COL10A1: variants seen among roughly 807,000 people sequenced by gnomAD.
COL10A1 encodes the protein collagen type X alpha 1 chain.
A neutral mutation model predicts 18.2 loss-of-function variants in COL10A1; 10 were observed. That is an observed-to-expected ratio of 0.55 (90% CI 0.34 to 0.93). The LOEUF is 0.93. Ranked by LOEUF, COL10A1 falls within the 40% of genes least tolerant of loss-of-function variation. COL10A1 has a pLI of 0.02. For synonymous variants in COL10A1, 330 were observed against 316.6 expected, an observed-to-expected ratio of 1.04 and a Z score of -0.45; for missense variants, 897 against 853.5, an observed-to-expected ratio of 1.05 and a Z score of -0.64.
At chr6:116,163,807 A>G in the COL10A1 span, among the ~76,000 whole-genome samples, 5 of 152,114 alleles carry the variant, frequency 3.3e-5, no homozygotes, top group Admixed American at 1.3e-4. Flanking sequence ...GATATGTTAC[A>G]TGTCTATATT....
rs1203810129 is a variant in COL10A1 at position 116,119,139 on chromosome 6, G to A, written c.*934C>T. 1.3e-5 allele frequency: 2 copies of A among 152,622 alleles called. No homozygotes were observed. Among genetic ancestry groups the A allele is most frequent in the African/African-American group, 2.4e-5 (1 of 41,464 alleles). The allele number at this position is 152,622 out of a possible 1,614,324, so 9.5% of individuals were successfully genotyped here. ...AACAGCAATATAAAAATACAGTACAGTGCATAAATAAATAATATATCTCCA... is the reference window on the plus strand; with the variant it reads ...AACAGCAATATAAAAATACAGTACAATGCATAAATAAATAATATATCTCCA... On this transcript the variant is annotated 3_prime_UTR_variant, in exon 3 of 3. Transcript: ENST00000651968.
the COL10A1 span, among the ~76,000 whole-genome samples, chr6:116,168,410 T>A: frequency 6.6e-6 from 1 of 152,122 alleles, no homozygotes. Context: ...TTTTGATTAC[T>A]GTATTTTTCA....
chr6:116,188,046 G>T, the COL10A1 span, among the ~76,000 whole-genome samples: 6 of 152,076 alleles, frequency 3.9e-5, no homozygotes, highest in African/African-American at 1.2e-4. Context: ...GTCTTGACAG[G>T]CAGTTTACAA....
At chr6:116,140,537 G>T (rs1473573216) in intron 1 of COL10A1, among the ~76,000 whole-genome samples, 1 of 152,070 alleles carries the variant, frequency 6.6e-6, no homozygotes, top group African/African-American at 2.4e-5. Context: ...CTGCTACCCA[G>T]CAAAAGAAAC....
the COL10A1 span, among the ~76,000 whole-genome samples, chr6:116,204,236 A>C: frequency 5.3e-5 from 8 of 152,124 alleles, no homozygotes; most frequent in East Asian, 1.6e-3. Flanking sequence ...TTTTATAATA[A>C]AGTAACTTCA....
At chr6:116,162,714 G>C (rs557980298), upstream of COL10A1, among the ~76,000 whole-genome samples, 1 of 152,242 alleles carries the variant, frequency 6.6e-6, no homozygotes, top group Non-Finnish European at 1.5e-5. Flanking sequence ...ACGTTCATCA[G>C]GGATATTGGC....
At chr6:116,146,355 T>C (rs1479786148) in intron 1 of COL10A1, among the ~76,000 whole-genome samples, 3 of 152,168 alleles carry the variant, frequency 2.0e-5, no homozygotes, top group Non-Finnish European at 4.4e-5. Flanking sequence ...CTAAATAGAC[T>C]TTATCATACT....
At chr6:116,124,371 T>C (rs967406223) in intron 2 of COL10A1, among the ~76,000 whole-genome samples, 40 of 152,312 alleles carry the variant, frequency 2.6e-4, no homozygotes, top group African/African-American at 9.1e-4. Flanking sequence ...TCGTGTCAGT[T>C]GCTGTTAAAT....
chr6:116,188,671 T>C, the COL10A1 span, among the ~76,000 whole-genome samples: 1 of 151,374 alleles, frequency 6.6e-6, no homozygotes, highest in Non-Finnish European at 1.5e-5. Flanking sequence ...TCAAGGGTGG[T>C]ATCAGAGGAC....
At chr6:116,173,151 T>C in the COL10A1 span, among the ~76,000 whole-genome samples, 2 of 152,224 alleles carry the variant, frequency 1.3e-5, no homozygotes, top group Non-Finnish European at 2.9e-5. Flanking sequence ...AAATGATAGC[T>C]AAAAACATTG....
chr6:116,139,124 G>A (rs962560056), intron 1 of COL10A1, among the ~76,000 whole-genome samples: 1 of 152,042 alleles, frequency 6.6e-6, no homozygotes, highest in Non-Finnish European at 1.5e-5. Flanking sequence ...ACAGAAAAAA[G>A]GATAAAGAGT....
upstream of COL10A1, among the ~76,000 whole-genome samples, chr6:116,128,781 A>C (rs1262345810): frequency 2.0e-5 from 3 of 152,150 alleles, no homozygotes; most frequent in Non-Finnish European, 4.4e-5. Context: ...TGGTTCAAAG[A>C]CTATATTTTC....
intron 1 of COL10A1, among the ~76,000 whole-genome samples, chr6:116,150,123 A>G (rs1562139696): frequency 6.6e-6 from 1 of 152,200 alleles, no homozygotes; most frequent in Non-Finnish European, 1.5e-5. Flanking sequence ...GTCTTTGACA[A>G]GGGCAATGAG....
the COL10A1 span, among the ~76,000 whole-genome samples, chr6:116,189,366 G>A: frequency 6.6e-6 from 1 of 151,748 alleles, no homozygotes; most frequent in African/African-American, 2.4e-5. Flanking sequence ...TTCCAGTATT[G>A]CAGTATATTT....
At chr6:116,158,157 CAAAT>C (rs1458704196) in intron 1 of COL10A1, among the ~76,000 whole-genome samples, 1 of 152,130 alleles carries the variant, frequency 6.6e-6, no homozygotes, top group Non-Finnish European at 1.5e-5. Context: ...GTTTTTATTA[CAAAT>C]AAATCTACAT....
At position 116,121,734 on chromosome 6, in the gene COL10A1, C is replaced by G; in HGVS notation, c.382G>C (p.Asp128His). The G allele has an allele frequency of 6.2e-7, 1 of 1,614,006 alleles. No homozygotes were observed. The highest frequency in any genetic ancestry group is 1.1e-5 in the South Asian group (1 of 91,058). The change falls in exon 3 of 3, where the codon GAT becomes CAT. Residue 128 changes from aspartate to histidine, a missense_variant. Coordinates refer to ENST00000651968, the MANE Select transcript of COL10A1 (RefSeq NM_000493.4). Reference sequence around the variant, plus strand: ...CCTGGTAGGCCAGCTGGTCCAACATCTCCTTTTGGTCCATATGGTCCTCTC... The same window carrying G: ...CCTGGTAGGCCAGCTGGTCCAACATGTCCTTTTGGTCCATATGGTCCTCTC... ...GERGPYGPKG[D>H]VGPAGLPGPR...
chr6:116,134,454 T>G (rs370659679), intron 1 of COL10A1, among the ~76,000 whole-genome samples: 1 of 152,228 alleles, frequency 6.6e-6, no homozygotes, highest in East Asian at 1.9e-4. Context: ...TTATTTATTA[T>G]TGAAAATCCA....
intron 1 of COL10A1, among the ~76,000 whole-genome samples, chr6:116,132,473 G>GT (rs571997614): frequency 6.2e-4 from 92 of 147,910 alleles, no homozygotes; most frequent in Admixed American, 1.4e-3. Flanking sequence ...TTGCTTATGA[G>GT]TTTTTTTTTT....
chr6:116,137,534 C>T (rs1208930260), intron 1 of COL10A1: 1 of 212,848 alleles, frequency 4.7e-6, no homozygotes, highest in Non-Finnish European at 1.0e-5. Flanking sequence ...TCACAGTCTC[C>T]TCAAACATTA....
Sources: allele counts gnomAD v4.1 joint callset (sites outside exome capture counted in the v4.1 genomes callset), GRCh38; gene constraint gnomAD v4.1.1; transcripts MANE v1.5; gene names NCBI Gene and HGNC (gene_info 2026-07-23, HGNC 2026-07-21).